PPP1R16B: variants seen among roughly 807,000 people sequenced by gnomAD.
The protein encoded by PPP1R16B is protein phosphatase 1 regulatory subunit 16B.
Under a neutral mutation model 61.7 loss-of-function variants are expected in PPP1R16B, and 14 were observed. The observed-to-expected ratio is 0.23, with a 90% CI of 0.15 to 0.35. PPP1R16B has a LOEUF of 0.35. Among genes scored for constraint, PPP1R16B ranks in the 10% least tolerant of loss-of-function variants. The pLI is 1.00. For missense variants in PPP1R16B, 547 were observed against 752.5 expected (o/e 0.73, Z 3.19); for synonymous variants, 266 against 305.3 (o/e 0.87, Z 1.34).
Position 38,828,552 on chromosome 20 carries a change from C to G in PPP1R16B, c.-101-7273C>G, listed in dbSNP as rs571422993. On this transcript the variant is annotated intron_variant, in intron 1 of 10. Transcript: ENST00000299824. ...CCTGAGACCCCTTACTTAAAGGACCCTGTTTCCCTCTGGTGACCGCCAAGC... is the reference window on the plus strand; with the variant it reads ...CCTGAGACCCCTTACTTAAAGGACCGTGTTTCCCTCTGGTGACCGCCAAGC... Among the ~76,000 whole-genome samples, 12 of 152,346 alleles carry G rather than the reference C, an allele frequency of 7.9e-5. No homozygotes were observed. The South Asian group carries it at 2.1e-3, about 26-fold the overall frequency.
intron 1 of PPP1R16B, among the ~76,000 whole-genome samples, chr20:38,834,620 G>T (rs2084857516): frequency 6.6e-6 from 1 of 151,966 alleles, no homozygotes; most frequent in South Asian, 2.1e-4. Flanking sequence ...TTTGTCTTAG[G>T]ATTTCTTTAG....
chr20:38,866,124 C>T (rs866761268), intron 2 of PPP1R16B, among the ~76,000 whole-genome samples: 39 of 148,616 alleles, frequency 2.6e-4, no homozygotes, highest in African/African-American at 9.5e-4. Context: ...ACTCTTGTCT[C>T]GGAGAAAAAA....
At chr20:38,855,534 A>G (rs1170082272) in intron 2 of PPP1R16B, among the ~76,000 whole-genome samples, 2 of 152,120 alleles carry the variant, frequency 1.3e-5, no homozygotes, top group Admixed American at 6.5e-5. Context: ...CGGACGCCGA[A>G]AATAACTTGT....
chr20:38,846,241 A>G (rs1354994371), intron 2 of PPP1R16B, among the ~76,000 whole-genome samples: 1 of 152,232 alleles, frequency 6.6e-6, no homozygotes, highest in Non-Finnish European at 1.5e-5. Flanking sequence ...AGGGATGGTT[A>G]TAATACTTGG....
At chr20:38,860,980 C>T (rs1248756439) in intron 2 of PPP1R16B, among the ~76,000 whole-genome samples, 7 of 152,138 alleles carry the variant, frequency 4.6e-5, no homozygotes, top group African/African-American at 9.7e-5. Context: ...TGGGAGTATC[C>T]GTGTTCTCCT....
intron 10 of PPP1R16B, among the ~76,000 whole-genome samples, chr20:38,912,096 CTTTT>C (rs35770847): frequency 1.6e-5 from 2 of 127,432 alleles, no homozygotes; most frequent in Non-Finnish European, 1.7e-5. Context: ...TATAGTCAGT[CTTTT>C]TTTTTTTTTT....
At chr20:38,829,917 G>A (rs1054316784) in intron 1 of PPP1R16B, among the ~76,000 whole-genome samples, 1 of 152,246 alleles carries the variant, frequency 6.6e-6, no homozygotes, top group South Asian at 2.1e-4. Context: ...GAGGGGCAAG[G>A]TGGGAGGGGC....
intron 5 of PPP1R16B, among the ~76,000 whole-genome samples, chr20:38,901,302 G>A (rs553588849): frequency 5.3e-5 from 8 of 152,326 alleles, no homozygotes; most frequent in East Asian, 1.9e-4. Context: ...CTCAGTAACC[G>A]TGATTGAATG....
intron 1 of PPP1R16B, among the ~76,000 whole-genome samples, chr20:38,815,735 A>G (rs1306128164): frequency 6.6e-6 from 1 of 152,254 alleles, no homozygotes; most frequent in African/African-American, 2.4e-5. Context: ...AGTAATTTTT[A>G]GATTTTATGA....
chr20:38,911,568 G>C (rs2085490818), intron 10 of PPP1R16B, among the ~76,000 whole-genome samples: 1 of 145,754 alleles, frequency 6.9e-6, no homozygotes, highest in Non-Finnish European at 1.5e-5. Context: ...ACAGAGTCTC[G>C]CTTTGTCACC....
At chr20:38,913,876 A>G (rs1172849684) in intron 10 of PPP1R16B, among the ~76,000 whole-genome samples, 2 of 152,082 alleles carry the variant, frequency 1.3e-5, no homozygotes, top group African/African-American at 4.8e-5. Context: ...TGGGGAGGGG[A>G]GCAGCTTAAC....
At chr20:38,858,172 G>A (rs979393074) in intron 2 of PPP1R16B, among the ~76,000 whole-genome samples, 4 of 152,094 alleles carry the variant, frequency 2.6e-5, no homozygotes, top group African/African-American at 9.7e-5. Context: ...TCTCCCAAAA[G>A]TCCCATCTCC....
At chr20:38,917,590 TACAA>T (rs1294420353) in intron 10 of PPP1R16B, among the ~76,000 whole-genome samples, 6 of 152,194 alleles carry the variant, frequency 3.9e-5, no homozygotes, top group African/African-American at 1.4e-4. Context: ...GAGGAAGGAT[TACAA>T]GTGACTGAAA....
intron 2 of PPP1R16B, among the ~76,000 whole-genome samples, chr20:38,853,637 C>G (rs774418266): frequency 2.0e-5 from 3 of 152,236 alleles, no homozygotes; most frequent in Non-Finnish European, 4.4e-5. Flanking sequence ...TTACAAGCCA[C>G]TCTTGAAACA....
At chr20:38,869,844 C>G (rs900060063) in intron 2 of PPP1R16B, among the ~76,000 whole-genome samples, 1 of 152,008 alleles carries the variant, frequency 6.6e-6, no homozygotes, top group Non-Finnish European at 1.5e-5. Context: ...CCTGCAAATC[C>G]CTGCCCCACC....
chr20:38,877,670 T>A (rs208802), intron 2 of PPP1R16B, among the ~76,000 whole-genome samples: 79,361 of 151,936 alleles, frequency 0.52, 21,301 homozygotes, highest in South Asian at 0.76. Context: ...GTTCATAAGG[T>A]TTCCTCACTG....
At chr20:38,870,130 G>A (rs1033957410) in intron 2 of PPP1R16B, among the ~76,000 whole-genome samples, 1 of 151,922 alleles carries the variant, frequency 6.6e-6, no homozygotes. Context: ...CACCATGTTG[G>A]CCAGGCTGGT....
intron 1 of PPP1R16B, among the ~76,000 whole-genome samples, chr20:38,823,337 A>G (rs1234228541): frequency 1.3e-5 from 2 of 152,188 alleles, no homozygotes; most frequent in Non-Finnish European, 2.9e-5. Flanking sequence ...GAGTTACCGG[A>G]TGAAGTGAAA....
chr20:38,847,883 GTTC>G (rs1196426224), intron 2 of PPP1R16B, among the ~76,000 whole-genome samples: 6 of 152,092 alleles, frequency 3.9e-5, no homozygotes, highest in Non-Finnish European at 5.9e-5. Context: ...ATGCTTTGGA[GTTC>G]TTATTTTTTA....
Sources: allele counts gnomAD v4.1 joint callset (sites outside exome capture counted in the v4.1 genomes callset), GRCh38; gene constraint gnomAD v4.1.1; transcripts MANE v1.5; gene names NCBI Gene and HGNC (gene_info 2026-07-23, HGNC 2026-07-21).